The following GLI2 variants were observed in gnomAD, a reference collection of about 807,000 sequenced individuals.
GLI2 encodes the protein GLI family zinc finger 2.
GLI2 carries 22 observed loss-of-function variants against 78.9 expected under a neutral mutation model. The ratio of observed to expected loss-of-function variants is 0.28; its 90% CI spans 0.20 to 0.40. GLI2 has a LOEUF of 0.40. Among genes scored for constraint, GLI2 ranks in the 10% least tolerant of loss-of-function variants. The pLI is 1.00. For synonymous variants in GLI2, 974 were observed against 963.7 expected, an observed-to-expected ratio of 1.01 and a Z score of -0.20; for missense variants, 2,097 against 2,213.2, an observed-to-expected ratio of 0.95 and a Z score of 1.05.
rs149778827 is a variant in GLI2, at chr2:120,905,867, G to GCC, written c.149-21485_149-21484dup. On this transcript the variant is annotated intron_variant, in intron 2 of 13. Transcript: ENST00000361492. ...GGGCTGATTGGGGGAGGGCTACACT[G>GCC]CCCCCCCCCCGCCCCCACATGGGCC... Among the ~76,000 whole-genome samples the GCC allele has an allele frequency of 7.1e-3, 1,041 of 145,884 alleles. 12 individuals are homozygous for GCC. Among genetic ancestry groups the GCC allele is most frequent in the African/African-American group, 0.025 (959 of 38,464 alleles).
intron 2 of GLI2, among the ~76,000 whole-genome samples, chr2:120,829,117 C>G (rs1258200850): frequency 6.6e-6 from 1 of 152,196 alleles, no homozygotes; most frequent in African/African-American, 2.4e-5. Context: ...TGCACGCACT[C>G]ACTGTCACAC....
At chr2:120,788,956 C>G (rs981314378) in intron 1 of GLI2, among the ~76,000 whole-genome samples, 2 of 152,086 alleles carry the variant, frequency 1.3e-5, no homozygotes, top group Non-Finnish European at 2.9e-5. Context: ...CAGTCTCCTC[C>G]TAGCCTGCCC....
intron 4 of GLI2, chr2:120,951,795 A>C: frequency 4.7e-6 from 1 of 210,540 alleles, no homozygotes; most frequent in Non-Finnish European, 9.4e-6. Context: ...GGAGTGTCTC[A>C]TGCAGAAGGA....
intron 2 of GLI2, among the ~76,000 whole-genome samples, chr2:120,820,101 GA>G (rs1011712010): frequency 3.1e-4 from 47 of 152,154 alleles, no homozygotes; most frequent in Non-Finnish European, 5.6e-4. Context: ...TCCACCCTTA[GA>G]AAGACTGAGG....
chr2:120,981,336 G>C (rs1201559429), intron 10 of GLI2, among the ~76,000 whole-genome samples: 1 of 152,170 alleles, frequency 6.6e-6, no homozygotes, highest in Non-Finnish European at 1.5e-5. Flanking sequence ...TTAAGTGTCT[G>C]GGTTTCTTTC....
Position 120,840,232 on chromosome 2 carries a change from G to A in GLI2, c.148+42764G>A, listed in dbSNP as rs114358489. On this transcript the variant is annotated intron_variant, in intron 2 of 13. Coordinates refer to ENST00000361492, the MANE Select transcript of GLI2 (RefSeq NM_001374353.1). ...ATCTCTTCAAATTATGCCTTTCCCCGCTTCTGTCCATTCTCTCTTCCTGGA... is the reference window on the plus strand; with the variant it reads ...ATCTCTTCAAATTATGCCTTTCCCCACTTCTGTCCATTCTCTCTTCCTGGA... 7.9e-3 allele frequency among the ~76,000 whole-genome samples: 1,197 copies of A among 152,170 alleles called. 12 individuals are homozygous for A. The highest frequency in any genetic ancestry group is 0.026 in the African/African-American group (1,061 of 41,506).
chr2:120,904,649 G>A (rs899381403), intron 2 of GLI2, among the ~76,000 whole-genome samples: 2 of 152,110 alleles, frequency 1.3e-5, no homozygotes, highest in Admixed American at 6.5e-5. Flanking sequence ...TGTTCTCAAC[G>A]CCCCCTGCCC....
At chr2:120,969,919 G>T (rs1022448258) in intron 6 of GLI2, among the ~76,000 whole-genome samples, 1 of 152,194 alleles carries the variant, frequency 6.6e-6, no homozygotes, top group African/African-American at 2.4e-5. Context: ...CTGTGTGAAG[G>T]TTGGCTCTTA....
At chr2:120,841,448 A>C (rs1190238448) in intron 2 of GLI2, among the ~76,000 whole-genome samples, 2 of 152,206 alleles carry the variant, frequency 1.3e-5, no homozygotes, top group African/African-American at 4.8e-5. Flanking sequence ...TCTGCAGGAC[A>C]CTTGACCATT....
intron 1 of GLI2, among the ~76,000 whole-genome samples, chr2:120,749,228 GGGAAGAAAAT>G (rs1488726335): frequency 6.6e-6 from 1 of 152,134 alleles, no homozygotes; most frequent in Non-Finnish European, 1.5e-5. Context: ...AATGTTTCAA[GGGAAGAAAAT>G]GGCATTTTCC....
At position 120,940,891 on chromosome 2, in the gene GLI2, G is replaced by T. The variant is rs191355015; in HGVS notation, c.255-10352G>T. 1.8e-3 allele frequency among the ~76,000 whole-genome samples: 271 copies of T among 152,324 alleles called. 3 individuals carry two copies. The highest frequency in any genetic ancestry group is 5.2e-3 in the African/African-American group (218 of 41,568). ...CTGCCCCCTCACTACCTGGGTGCAT[G>T]CGGGGCCCTGGCCGGGTCTGTCTCA... On this transcript the variant is annotated intron_variant, in intron 3 of 13. Coordinates refer to ENST00000361492, the MANE Select transcript of GLI2 (RefSeq NM_001374353.1).
chr2:120,797,116 C>T (rs1684431519), intron 1 of GLI2, among the ~76,000 whole-genome samples, 175 bp from the exon 2 acceptor site: 1 of 152,134 alleles, frequency 6.6e-6, no homozygotes, highest in Non-Finnish European at 1.5e-5. Context: ...TTCAGAAGAC[C>T]AGACGAATCC....
intron 1 of GLI2, among the ~76,000 whole-genome samples, chr2:120,745,665 G>A (rs891179298): frequency 6.6e-6 from 1 of 152,194 alleles, no homozygotes; most frequent in Non-Finnish European, 1.5e-5. Context: ...GTTTTGCACT[G>A]CAGACTTCAT....
intron 2 of GLI2, among the ~76,000 whole-genome samples, chr2:120,813,104 C>T (rs891705497): frequency 6.6e-6 from 1 of 152,236 alleles, no homozygotes; most frequent in Non-Finnish European, 1.5e-5. Flanking sequence ...TGTTGGCGCT[C>T]CTGGCCAGCG....
chr2:120,905,295 G>T (rs1678468411), intron 2 of GLI2, among the ~76,000 whole-genome samples: 1 of 152,122 alleles, frequency 6.6e-6, no homozygotes, highest in Non-Finnish European at 1.5e-5. Context: ...GAACCTCTAC[G>T]GGGCGCCCCA....
intron 2 of GLI2, among the ~76,000 whole-genome samples, chr2:120,810,491 A>T (rs1478411643): frequency 6.6e-6 from 1 of 151,784 alleles, no homozygotes; most frequent in African/African-American, 2.4e-5. Flanking sequence ...CCTCTACCTC[A>T]TGGCCTCATC....
At position 120,782,158 on chromosome 2, in the gene GLI2, C is replaced by T. The variant is rs148741653; in HGVS notation, c.-30-15133C>T. 1.9e-3 allele frequency among the ~76,000 whole-genome samples: 292 copies of T among 152,320 alleles called. 3 individuals carry two copies. Among genetic ancestry groups the T allele is most frequent in the East Asian group, 4.4e-3 (23 of 5,182 alleles). Reference sequence around the variant, plus strand: ...AATTTATTAAGAACTATTTCCCTCCCGTTAAACATGTGGGGTGTTGTCAGG... The same window carrying T: ...AATTTATTAAGAACTATTTCCCTCCTGTTAAACATGTGGGGTGTTGTCAGG... On this transcript the variant is annotated intron_variant, in intron 1 of 13. Coordinates refer to ENST00000361492, the MANE Select transcript of GLI2 (RefSeq NM_001374353.1).
chr2:120,763,713 G>A (rs1056881214), intron 1 of GLI2, among the ~76,000 whole-genome samples: 3 of 152,228 alleles, frequency 2.0e-5, no homozygotes, highest in Non-Finnish European at 4.4e-5. Context: ...TGTAGCCATC[G>A]TGCCCTCTTG....
intron 2 of GLI2, among the ~76,000 whole-genome samples, chr2:120,837,393 C>CAAAAAAA (rs768947767): frequency 1.3e-5 from 1 of 76,990 alleles, no homozygotes; most frequent in Non-Finnish European, 2.7e-5. Context: ...GACTCCATCT[C>CAAAAAAA]AAAAAAAAAA....
Sources: gnomAD v4.1 joint callset for allele counts (sites outside exome capture counted in the v4.1 genomes callset) on GRCh38, gnomAD v4.1.1 for gene constraint, MANE v1.5 for transcripts, NCBI Gene and HGNC (gene_info 2026-07-23, HGNC 2026-07-21) for gene names.